SGCD: variants seen among roughly 807,000 people sequenced by gnomAD.
SGCD encodes delta-sarcoglycan.
In SGCD, 18 loss-of-function variants were observed where a neutral mutation model predicts 36.6. The observed-to-expected ratio is 0.49, with a 90% confidence interval of 0.34 to 0.73. The LOEUF (loss-of-function observed/expected upper bound fraction) is 0.73, where lower values mean the gene tolerates loss of function less well. Ranked by LOEUF, SGCD falls within the 30% of genes least tolerant of loss-of-function variation. The pLI is 0.01. For missense variants in SGCD, 387 were observed against 346.7 expected (o/e 1.12, Z -0.92); for synonymous variants, 133 against 130.6 (o/e 1.02, Z -0.12).
At position 155,896,542 on chromosome 5, in the gene SGCD, A is replaced by G. The variant is rs564577324; in HGVS notation, c.-282+26118A>G. ...GCGCTTATAGTTCCAGCTACTTGGG[A>G]GGCTGAGGTGGGAGGATTGCTTGAG... On this transcript the variant is annotated intron_variant, in intron 1 of 9. Transcript: ENST00000517913. Among the ~76,000 whole-genome samples, 10 of 151,164 alleles carry G rather than the reference A, an allele frequency of 6.6e-5. No individual in the cohort carries two copies. The East Asian group carries it at 7.8e-4, about 12-fold the overall frequency.
At chr5:156,681,175 G>T (rs995647522) in intron 7 of SGCD, among the ~76,000 whole-genome samples, 8 of 152,324 alleles carry the variant, frequency 5.3e-5, no homozygotes, top group African/African-American at 1.9e-4. Flanking sequence ...CGTTCAGGAA[G>T]AATCAGGTCA....
At chr5:156,455,113 G>A (rs1184963067) in intron 3 of SGCD, among the ~76,000 whole-genome samples, 1 of 152,120 alleles carries the variant, frequency 6.6e-6, no homozygotes, top group Non-Finnish European at 1.5e-5. Context: ...TAGATACTTG[G>A]CATACTTTTT....
chr5:155,777,366 T>G, the SGCD span, among the ~76,000 whole-genome samples: 1 of 151,824 alleles, frequency 6.6e-6, no homozygotes, highest in African/African-American at 2.4e-5. Context: ...TTTTGTTTTT[T>G]TTTTTTTTTA....
intron 3 of SGCD, among the ~76,000 whole-genome samples, chr5:156,418,983 A>G (rs1162605977): frequency 6.6e-6 from 1 of 152,182 alleles, no homozygotes; most frequent in Non-Finnish European, 1.5e-5. Flanking sequence ...CTCTAGACAT[A>G]TATAGTAACT....
chr5:156,572,590 C>T (rs1187395176), intron 4 of SGCD, among the ~76,000 whole-genome samples: 3 of 152,088 alleles, frequency 2.0e-5, no homozygotes, highest in Non-Finnish European at 4.4e-5. Context: ...AACCTGAAGT[C>T]TTTTATCAAT....
chr5:156,757,255 T>G lies in SGCD; in HGVS notation c.576-326T>G, dbSNP rs181127175. ...GCTCGGTTTAGATCCGGGATTGACTTACTTTTACAAAAAAAAAAAAAAAAA... is the reference window on the plus strand; with the variant it reads ...GCTCGGTTTAGATCCGGGATTGACTGACTTTTACAAAAAAAAAAAAAAAAA... On this transcript the variant is annotated intron_variant, in intron 7 of 8. Coordinates refer to ENST00000337851, the MANE Select transcript of SGCD (RefSeq NM_000337.6). Among the ~76,000 whole-genome samples, 22 of 93,132 alleles carry G rather than the reference T, an allele frequency of 2.4e-4. 1 individual carries two copies. In the East Asian group the frequency reaches 6.7e-3, roughly 29 times the overall value. 61.1% of individuals were successfully genotyped at this position (93,132 alleles called of 152,430 possible). A position where few individuals can be genotyped will look rare whatever the true frequency, so the allele number is the denominator to read the frequency against.
At chr5:156,631,102 A>T (rs1305992689) in intron 6 of SGCD, among the ~76,000 whole-genome samples, 3 of 152,198 alleles carry the variant, frequency 2.0e-5, no homozygotes, top group Non-Finnish European at 4.4e-5. Flanking sequence ...TATGTAAAAT[A>T]ATGGAAGATG....
intron 3 of SGCD, among the ~76,000 whole-genome samples, chr5:156,380,422 G>A (rs1275511436): frequency 6.6e-6 from 1 of 152,208 alleles, no homozygotes; most frequent in Non-Finnish European, 1.5e-5. Context: ...GGGTTGACTA[G>A]GCAGAATTTA....
At chr5:156,334,385 A>C (rs1009766620) in intron 2 of SGCD, among the ~76,000 whole-genome samples, 1 of 152,136 alleles carries the variant, frequency 6.6e-6, no homozygotes, top group East Asian at 1.9e-4. Context: ...GTTTGAAATT[A>C]TTTTTGCTGC....
At chr5:156,302,780 T>A (rs141032606) in intron 3 of SGCD, among the ~76,000 whole-genome samples, 11 of 152,292 alleles carry the variant, frequency 7.2e-5, no homozygotes, top group African/African-American at 2.6e-4. Flanking sequence ...ATTCCCTGTA[T>A]TACCAACTTG....
At chr5:156,132,365 G>T (rs1762344771) in intron 3 of SGCD, among the ~76,000 whole-genome samples, 2 of 144,096 alleles carry the variant, frequency 1.4e-5, no homozygotes, top group Non-Finnish European at 3.0e-5. Context: ...GATCACTTTT[G>T]TACTTGTCTG....
intron 2 of SGCD, among the ~76,000 whole-genome samples, chr5:156,336,801 T>G (rs1446401293): frequency 6.6e-6 from 1 of 152,246 alleles, no homozygotes; most frequent in Non-Finnish European, 1.5e-5. Flanking sequence ...CTTTGATTCT[T>G]TTAAATATAT....
the SGCD span, among the ~76,000 whole-genome samples, chr5:155,742,865 C>A: frequency 6.6e-6 from 1 of 152,192 alleles, no homozygotes; most frequent in African/African-American, 2.4e-5. Flanking sequence ...TTACCCTCTC[C>A]TCTGATTTCA....
chr5:155,752,511 T>G, the SGCD span, among the ~76,000 whole-genome samples: 1 of 152,214 alleles, frequency 6.6e-6, no homozygotes, highest in Non-Finnish European at 1.5e-5. Flanking sequence ...CCTAGTTGGT[T>G]GATACCTACT....
chr5:155,869,813 A>T (rs1755597168), upstream of SGCD, among the ~76,000 whole-genome samples: 1 of 152,172 alleles, frequency 6.6e-6, no homozygotes, highest in Non-Finnish European at 1.5e-5. Context: ...AGCCTGACCA[A>T]CATGGTGAAA....
the SGCD span, among the ~76,000 whole-genome samples, chr5:155,791,975 G>A: frequency 6.6e-6 from 1 of 152,010 alleles, no homozygotes; most frequent in Non-Finnish European, 1.5e-5. Flanking sequence ...TAAGAATAAG[G>A]TCAGAAATAT....
At chr5:156,158,430 AG>A (rs1763014801) in intron 3 of SGCD, among the ~76,000 whole-genome samples, 1 of 151,650 alleles carries the variant, frequency 6.6e-6, no homozygotes, top group African/African-American at 2.4e-5. Context: ...AAGAGTTTAA[AG>A]CAATCTTGGA....
In SGCD at chr5:156,104,275, C is replaced by G. The variant is rs997589123; in HGVS notation, c.-281-13603C>G. On this transcript the variant is annotated intron_variant, in intron 1 of 9. Coordinates refer to the SGCD transcript ENST00000517913. ...CCATGGGAATTCTTTAGGTGTAAGA[C>G]AGTCTTACTCTAATTGTGCTAATTT... Among the ~76,000 whole-genome samples, 5 of 152,226 alleles carry G rather than the reference C, an allele frequency of 3.3e-5. No individual in the cohort carries two copies. The East Asian group carries it at 7.7e-4, about 24-fold the overall frequency.
At chr5:155,835,465 G>A in the SGCD span, among the ~76,000 whole-genome samples, 1,460 of 152,260 alleles carry the variant, frequency 9.6e-3, 24 homozygotes, top group African/African-American at 0.034. Flanking sequence ...GAGAATGGCT[G>A]TCTCTATTCA....
Sources: allele counts gnomAD v4.1 joint callset (sites outside exome capture counted in the v4.1 genomes callset), GRCh38; gene constraint gnomAD v4.1.1; transcripts MANE v1.5; gene names NCBI Gene and HGNC (gene_info 2026-07-23, HGNC 2026-07-21).